The following FBXW8 variants were observed in gnomAD, a reference collection of about 807,000 sequenced individuals.
FBXW8 encodes F-box and WD repeat domain containing 8.
Under a neutral mutation model 65.3 loss-of-function variants are expected in FBXW8, and 57 were observed. The ratio of observed to expected loss-of-function variants is 0.87; its 90% CI spans 0.71 to 1.09. The LOEUF is 1.09. Among genes scored for constraint, FBXW8 ranks in the 50% least tolerant of loss-of-function variants. The pLI, the probability that FBXW8 is intolerant of heterozygous loss-of-function variation, is 0.00. For synonymous variants in FBXW8, 308 were observed against 330.2 expected (o/e 0.93, Z 0.73); for missense variants, 777 against 814.8 (o/e 0.95, Z 0.57).
intron 8 of FBXW8, among the ~76,000 whole-genome samples, chr12:117,016,023 C>A (rs1953940140): frequency 6.6e-6 from 1 of 152,166 alleles, no homozygotes; most frequent in Non-Finnish European, 1.5e-5. Flanking sequence ...ATTCCTTTTT[C>A]TGGCCAAGTA....
rs780459516 is a variant in FBXW8, at chr12:117,027,393, G to A, written c.1542-1G>A. ...ACGAGCTCTCTCCCACTGCCTTCCA[G>A]GCACCCGGTGCAGCACATCTCATTC... On this transcript the variant is annotated splice_acceptor_variant, in intron 9 of 10. Transcript: ENST00000652555. LOFTEE classifies it high-confidence loss of function. 6.2e-7 allele frequency: 1 copy of A among 1,613,844 alleles called. No homozygotes were observed. The highest frequency in any genetic ancestry group is 1.7e-5 in the Admixed American group (1 of 60,026).
intron 4 of FBXW8, among the ~76,000 whole-genome samples, chr12:116,963,900 T>C (rs186759176): frequency 1.3e-3 from 196 of 152,288 alleles, no homozygotes; most frequent in Non-Finnish European, 1.0e-3. Flanking sequence ...AGTAAAACCC[T>C]CTGCAGCAGA....
intron 7 of FBXW8, among the ~76,000 whole-genome samples, chr12:117,009,056 A>C (rs1170010517): frequency 6.6e-6 from 1 of 152,110 alleles, no homozygotes; most frequent in Non-Finnish European, 1.5e-5. Context: ...CGATAGAGTG[A>C]GACTCAGTCT....
At chr12:116,941,608 T>A (rs976613360) in intron 2 of FBXW8, among the ~76,000 whole-genome samples, 3 of 152,218 alleles carry the variant, frequency 2.0e-5, no homozygotes, top group Middle Eastern at 3.2e-3. Context: ...ATTGTAATGA[T>A]TATTTTTGGT....
chr12:117,021,576 TTATTA>T (rs1426926855), intron 8 of FBXW8, among the ~76,000 whole-genome samples: 1 of 151,634 alleles, frequency 6.6e-6, no homozygotes, highest in African/African-American at 2.4e-5. Flanking sequence ...GTTGAGAAAA[TTATTA>T]TAGAGTATTT....
intron 5 of FBXW8, among the ~76,000 whole-genome samples, chr12:116,974,851 A>G (rs1884827189): frequency 6.6e-6 from 1 of 152,226 alleles, no homozygotes; most frequent in African/African-American, 2.4e-5. Flanking sequence ...GGGCAGATAA[A>G]TACAAGATGA....
chr12:116,916,575 T>A lies in FBXW8; in HGVS notation c.318+5220T>A, dbSNP rs891970044. Among the ~76,000 whole-genome samples the A allele has an allele frequency of 3.3e-5, 5 of 152,124 alleles. No individual in the cohort carries two copies. In the South Asian group the frequency reaches 1.0e-3, roughly 32 times the overall value. ...TTTTAATTGGGAATATGTATTTTTATGTGGACTCCTTCAGTTTTTTCTGCA... is the reference window on the plus strand; with the variant it reads ...TTTTAATTGGGAATATGTATTTTTAAGTGGACTCCTTCAGTTTTTTCTGCA... On this transcript the variant is annotated intron_variant, in intron 1 of 10. Transcript: ENST00000652555.
intron 1 of FBXW8, among the ~76,000 whole-genome samples, chr12:116,926,036 T>C (rs1364386555): frequency 1.3e-5 from 2 of 152,178 alleles, no homozygotes; most frequent in Non-Finnish European, 2.9e-5. Flanking sequence ...ATGATGAGGA[T>C]GGAGGCCAGG....
intron 8 of FBXW8, among the ~76,000 whole-genome samples, chr12:117,014,726 A>G (rs1234989747): frequency 6.6e-6 from 1 of 152,148 alleles, no homozygotes; most frequent in Non-Finnish European, 1.5e-5. Flanking sequence ...TGGTCTGCGC[A>G]TGTGCCACAT....
At position 117,028,070 on chromosome 12, in the gene FBXW8, G is replaced by C. The variant is rs1954278533; in HGVS notation, c.1695G>C (p.Gln565His). Residue 565 changes from glutamine to histidine, a missense_variant, in exon 11 of 11, where the codon CAG becomes CAC. Transcript: ENST00000652555. The surrounding 1 kb of genome is among the most constrained non-coding windows in gnomAD (Gnocchi z 4.1). The stretch of plus-strand genomic sequence containing the variant: ...GCGCCTATGAGTTTGCGGTGGACCA[G>C]CTGGCCTTCCAGAGCCCTCTCCCTG... The part of the protein sequence containing the change: ...LIRAYEFAVD[Q>H]LAFQSPLPVC... The C allele has an allele frequency of 1.2e-6, 2 of 1,613,958 alleles. No individual in the cohort carries two copies. Among genetic ancestry groups the C allele is most frequent in the African/African-American group, 1.3e-5 (1 of 74,928 alleles).
chr12:117,027,166 G>T (rs1954251835), intron 9 of FBXW8, among the ~76,000 whole-genome samples: 1 of 152,202 alleles, frequency 6.6e-6, no homozygotes, highest in Non-Finnish European at 1.5e-5. Context: ...CATGCGTACG[G>T]GGCATGCAGA....
chr12:116,943,494 A>G (rs1313497061), intron 2 of FBXW8, among the ~76,000 whole-genome samples: 1 of 152,240 alleles, frequency 6.6e-6, no homozygotes, highest in African/African-American at 2.4e-5. Context: ...GCTAGTTATC[A>G]AATGGAGATT....
intron 2 of FBXW8, among the ~76,000 whole-genome samples, chr12:116,943,872 A>G (rs919183449): frequency 6.6e-6 from 1 of 152,122 alleles, no homozygotes; most frequent in East Asian, 1.9e-4. Flanking sequence ...GCCACTTACT[A>G]TTTTGGGTAA....
intron 4 of FBXW8, among the ~76,000 whole-genome samples, chr12:116,957,399 A>C (rs1225338092): frequency 6.6e-6 from 1 of 152,172 alleles, no homozygotes; most frequent in African/African-American, 2.4e-5. Flanking sequence ...ATGCCAAAAT[A>C]TGAATAGTAG....
At chr12:116,973,949 G>T (rs1884776892) in intron 5 of FBXW8, among the ~76,000 whole-genome samples, 1 of 152,204 alleles carries the variant, frequency 6.6e-6, no homozygotes, top group Non-Finnish European at 1.5e-5. Context: ...TAGAAAACCG[G>T]ACAAAATATA....
chr12:116,921,853 GCT>G (rs1385439402), intron 1 of FBXW8, among the ~76,000 whole-genome samples: 16 of 136,624 alleles, frequency 1.2e-4, no homozygotes, highest in South Asian at 9.3e-4. Flanking sequence ...TTTTAGACAG[GCT>G]CTCTCTCGCT....
intron 1 of FBXW8, among the ~76,000 whole-genome samples, chr12:116,923,300 T>C (rs1593041502): frequency 6.6e-6 from 1 of 151,642 alleles, no homozygotes; most frequent in Non-Finnish European, 1.5e-5. Flanking sequence ...ATTCCACAGG[T>C]GATTTTAATG....
intron 5 of FBXW8, among the ~76,000 whole-genome samples, chr12:116,967,491 A>G (rs981580731): frequency 2.0e-5 from 3 of 152,222 alleles, no homozygotes; most frequent in African/African-American, 7.2e-5. Context: ...ATTGCCCTCC[A>G]AAAAGGTTTC....
intron 4 of FBXW8, among the ~76,000 whole-genome samples, chr12:116,962,209 T>G (rs1884027645): frequency 6.6e-6 from 1 of 152,198 alleles, no homozygotes. Flanking sequence ...GGAGAAAGGC[T>G]TGCCCAGGAG....
Sources: allele counts gnomAD v4.1 joint callset (sites outside exome capture counted in the v4.1 genomes callset), GRCh38; gene constraint gnomAD v4.1.1; non-coding constraint Gnocchi (gnomAD v3.1); transcripts MANE v1.5; gene names NCBI Gene and HGNC (gene_info 2026-07-23, HGNC 2026-07-21).